The following DLG2 variants were observed in gnomAD, a reference collection of about 807,000 sequenced individuals.
The protein encoded by DLG2 is discs large MAGUK scaffold protein 2, also known as disks large homolog 2.
Under a neutral mutation model 132.5 loss-of-function variants are expected in DLG2, and 45 were observed. That is an observed-to-expected ratio of 0.34 (90% confidence interval 0.27 to 0.44). The LOEUF (loss-of-function observed/expected upper bound fraction) is 0.44, where lower values mean the gene tolerates loss of function less well. DLG2 is among the 20% of genes least tolerant of loss of function. DLG2 has a pLI of 1.00. For missense variants in DLG2, 1,045 were observed against 1,196.9 expected, an observed-to-expected ratio of 0.87 and a Z score of 1.87; for synonymous variants, 424 against 419.6, an observed-to-expected ratio of 1.01 and a Z score of -0.13.
intron 7 of DLG2, among the ~76,000 whole-genome samples, chr11:84,385,472 G>T (rs1344008597): frequency 6.6e-6 from 1 of 152,076 alleles, no homozygotes; most frequent in African/African-American, 2.4e-5. Flanking sequence ...GATAGTATTT[G>T]AATTGAAACA....
intron 6 of DLG2, among the ~76,000 whole-genome samples, chr11:84,893,737 A>G (rs1406880780): frequency 6.6e-6 from 1 of 152,202 alleles, no homozygotes; most frequent in Non-Finnish European, 1.5e-5. Context: ...TTCAAGCCAC[A>G]TAAATGTTAT....
chr11:83,941,619 C>G (rs2082692391), intron 14 of DLG2, among the ~76,000 whole-genome samples: 1 of 152,104 alleles, frequency 6.6e-6, no homozygotes, highest in South Asian at 2.1e-4. Flanking sequence ...GTTTTGAACT[C>G]TTGACCTCAG....
At chr11:85,089,120 CT>C (rs1441178823) in intron 6 of DLG2, among the ~76,000 whole-genome samples, 2 of 152,198 alleles carry the variant, frequency 1.3e-5, no homozygotes, top group Non-Finnish European at 2.9e-5. Context: ...CAGTAAACTT[CT>C]AATTTTTTTT....
intron 15 of DLG2, among the ~76,000 whole-genome samples, chr11:83,888,213 C>A (rs889339723): frequency 6.6e-6 from 1 of 151,976 alleles, no homozygotes; most frequent in Non-Finnish European, 1.5e-5. Flanking sequence ...ATCGTCTCAG[C>A]CCAAAATCTC....
intron 3 of DLG2, among the ~76,000 whole-genome samples, chr11:85,357,707 TATATATATATATATATATATA>T (rs2083827274): frequency 7.0e-4 from 2 of 2,868 alleles, no homozygotes; most frequent in Non-Finnish European, 0.018. Flanking sequence ...TTCTGAATTA[TATATATATATATATATATATA>T]TATATATATA....
chr11:83,656,275 A>G (rs1415611028), intron 18 of DLG2, among the ~76,000 whole-genome samples: 1 of 152,214 alleles, frequency 6.6e-6, no homozygotes, highest in Non-Finnish European at 1.5e-5. Flanking sequence ...GAAAGTGACT[A>G]CAGGGTACTA....
chr11:85,444,070 T>G (rs1210642858), intron 3 of DLG2, among the ~76,000 whole-genome samples: 1 of 152,320 alleles, frequency 6.6e-6, no homozygotes, highest in Non-Finnish European at 1.5e-5. Flanking sequence ...TCAAGAACAT[T>G]ATATCCTATT....
At chr11:85,413,886 C>CT (rs1565456139) in intron 3 of DLG2, among the ~76,000 whole-genome samples, 1 of 151,832 alleles carries the variant, frequency 6.6e-6, no homozygotes, top group Non-Finnish European at 1.5e-5. Flanking sequence ...TATGCAGCCT[C>CT]TTTTTTGGTT....
intron 6 of DLG2, among the ~76,000 whole-genome samples, chr11:84,748,604 T>C (rs1467708218): frequency 6.6e-6 from 1 of 152,216 alleles, no homozygotes; most frequent in Non-Finnish European, 1.5e-5. Context: ...TATTTGTATA[T>C]GTCCTTCCAA....
In DLG2 at chr11:84,972,326, G is replaced by A. The variant is rs187613099; in HGVS notation, c.357+139335C>T. Among the ~76,000 whole-genome samples the A allele has an allele frequency of 1.1e-3, 169 of 152,240 alleles. 1 individual carries two copies. The highest frequency in any genetic ancestry group is 3.8e-3 in the African/African-American group (158 of 41,556). ...AGTCTTTCCTATAAAAAAAAACTGA[G>A]TCTTTTAATCTACTTTTCCCAACAC... is the stretch of plus-strand genomic sequence containing the variant. On this transcript the variant is annotated intron_variant, in intron 6 of 27. Transcript: ENST00000376104.
chr11:84,624,340 T>G (rs1451612228), intron 6 of DLG2, among the ~76,000 whole-genome samples: 1 of 152,200 alleles, frequency 6.6e-6, no homozygotes, highest in East Asian at 1.9e-4. Context: ...TATTTACAAG[T>G]AATTCTAAAA....
chr11:83,603,619 T>C (rs930471786), intron 19 of DLG2, among the ~76,000 whole-genome samples: 2 of 140,552 alleles, frequency 1.4e-5, no homozygotes, highest in Non-Finnish European at 1.5e-5. Flanking sequence ...ATGAGAATTC[T>C]AACAGTTTCA....
chr11:84,640,340 G>T, intron 6 of DLG2: 1 of 346,928 alleles, frequency 2.9e-6, no homozygotes, highest in Non-Finnish European at 5.6e-6. Context: ...GAAATTTCTT[G>T]GATGAAAAAT....
intron 3 of DLG2, among the ~76,000 whole-genome samples, chr11:85,566,697 C>A (rs1041850832): frequency 2.0e-5 from 3 of 152,112 alleles, no homozygotes; most frequent in African/African-American, 7.2e-5. Flanking sequence ...AATACCATCA[C>A]TTTGGGGGTT....
chr11:84,907,630 C>A (rs761890694), intron 6 of DLG2, among the ~76,000 whole-genome samples: 42 of 152,188 alleles, frequency 2.8e-4, no homozygotes, highest in Non-Finnish European at 5.0e-4. Context: ...AGGAGGGATC[C>A]ACCGAGGAGA....
intron 3 of DLG2, chr11:85,452,653 A>G (rs746034208): frequency 1.4e-4 from 27 of 188,490 alleles, no homozygotes; most frequent in Non-Finnish European, 2.5e-4. Context: ...TGTATTGCCA[A>G]CCACAAGATT....
intron 4 of DLG2, among the ~76,000 whole-genome samples, chr11:85,260,990 C>T (rs572375506): frequency 1.1e-4 from 17 of 152,240 alleles, no homozygotes; most frequent in African/African-American, 4.1e-4. Flanking sequence ...TCTAAAGTCT[C>T]TCTTGAGATG....
chr11:85,219,210 C>G (rs1450852217), intron 4 of DLG2, among the ~76,000 whole-genome samples: 2 of 152,062 alleles, frequency 1.3e-5, no homozygotes, highest in African/African-American at 4.8e-5. Flanking sequence ...ACATGTACCC[C>G]CTGTATCTAA....
intron 6 of DLG2, among the ~76,000 whole-genome samples, chr11:84,860,622 A>C (rs1464696877): frequency 3.3e-5 from 5 of 152,132 alleles, no homozygotes; most frequent in Non-Finnish European, 7.4e-5. Context: ...GAATCACATA[A>C]TAGTGTCTGT....
Sources: allele counts gnomAD v4.1 joint callset (sites outside exome capture counted in the v4.1 genomes callset), GRCh38; gene constraint gnomAD v4.1.1; transcripts MANE v1.5; gene names NCBI Gene and HGNC (gene_info 2026-07-23, HGNC 2026-07-21).